The following HDAC9 variants were observed in gnomAD, a reference collection of about 807,000 sequenced individuals.
The protein encoded by HDAC9 is MEF-2 interacting transcription repressor (MITR) protein.
In HDAC9, 41 loss-of-function variants were observed where a neutral mutation model predicts 139.4. The ratio of observed to expected loss-of-function variants is 0.29; its 90% CI spans 0.23 to 0.38. The LOEUF (loss-of-function observed/expected upper bound fraction) is 0.38. Among genes scored for constraint, HDAC9 ranks in the 10% least tolerant of loss-of-function variants. HDAC9 has a pLI of 1.00. For synonymous variants in HDAC9, 517 were observed against 476.2 expected (o/e 1.09, Z -1.12); for missense variants, 1,147 against 1,297.0 (o/e 0.88, Z 1.78).
At chr7:18,629,827 G>C (rs1273674576) in intron 7 of HDAC9, among the ~76,000 whole-genome samples, 1 of 152,028 alleles carries the variant, frequency 6.6e-6, no homozygotes, top group Non-Finnish European at 1.5e-5. Flanking sequence ...AGCAGAGGGA[G>C]GTCCAAGAAG....
intron 9 of HDAC9, 109 bp from the exon 10 acceptor site, chr7:18,647,676 G>A (rs1460963296): frequency 1.2e-6 from 1 of 866,798 alleles, no homozygotes; most frequent in Non-Finnish European, 1.7e-6. Context: ...GGTAAGATGG[G>A]GCTTTTGTTT....
intron 2 of HDAC9, among the ~76,000 whole-genome samples, chr7:18,555,088 C>A (rs896335817): frequency 6.6e-6 from 1 of 152,098 alleles, no homozygotes; most frequent in Non-Finnish European, 1.5e-5. Context: ...TTTTTGACAT[C>A]AAATTAAAAT....
chr7:18,495,646 T>G, upstream of HDAC9: 1 of 708,408 alleles, frequency 1.4e-6, no homozygotes, highest in Non-Finnish European at 1.7e-6. Context: ...AGGCCGACCA[T>G]TGTTCTATTT....
intron 1 of HDAC9, among the ~76,000 whole-genome samples, chr7:18,103,259 A>T (rs1782970292): frequency 6.6e-6 from 1 of 152,192 alleles, no homozygotes; most frequent in Admixed American, 6.5e-5. Flanking sequence ...CATGGGGATT[A>T]TTACAATTCA....
At chr7:18,765,142 T>G (rs1420081959) in intron 15 of HDAC9, among the ~76,000 whole-genome samples, 1 of 152,104 alleles carries the variant, frequency 6.6e-6, no homozygotes, top group Non-Finnish European at 1.5e-5. Flanking sequence ...ATCCAGTCAG[T>G]TTGGTGAAAT....
intron 16 of HDAC9, among the ~76,000 whole-genome samples, chr7:18,786,203 G>A (rs1295019800): frequency 6.6e-6 from 1 of 151,876 alleles, no homozygotes; most frequent in African/African-American, 2.4e-5. Context: ...CCTTATTCTG[G>A]ATCACCACTA....
At chr7:18,870,299 C>G (rs528970526) in intron 21 of HDAC9, among the ~76,000 whole-genome samples, 15 of 152,176 alleles carry the variant, frequency 9.9e-5, no homozygotes, top group Non-Finnish European at 1.3e-4. Context: ...CTCCTCCAAT[C>G]TGTAGCAAGT....
chr7:18,770,582 A>G (rs1192138201), intron 16 of HDAC9, among the ~76,000 whole-genome samples: 1 of 152,162 alleles, frequency 6.6e-6, no homozygotes, highest in Non-Finnish European at 1.5e-5. Flanking sequence ...GGCTTTTATG[A>G]TAATGTCGTC....
chr7:18,271,363 C>G (rs936389671), intron 2 of HDAC9, among the ~76,000 whole-genome samples: 6 of 152,154 alleles, frequency 3.9e-5, no homozygotes, highest in Non-Finnish European at 7.4e-5. Context: ...TGCCTAAGCA[C>G]ACATTAGATA....
chr7:18,565,632 T>C (rs1225165666), intron 2 of HDAC9, among the ~76,000 whole-genome samples: 1 of 151,890 alleles, frequency 6.6e-6, no homozygotes, highest in African/African-American at 2.4e-5. Context: ...AGGGTACTTC[T>C]GTAGAAAAAA....
chr7:18,208,188 T>C (rs1443338318), intron 2 of HDAC9, among the ~76,000 whole-genome samples: 8 of 152,110 alleles, frequency 5.3e-5, no homozygotes. Flanking sequence ...GTTCTTCTGT[T>C]TGAGAGACAA....
At chr7:18,425,214 C>T (rs1489453886) in intron 1 of HDAC9, among the ~76,000 whole-genome samples, 1 of 152,052 alleles carries the variant, frequency 6.6e-6, no homozygotes, top group African/African-American at 2.4e-5. Flanking sequence ...TTTAAAATTT[C>T]AGAAAAATGC....
At chr7:18,733,271 G>T (rs1029782282) in intron 13 of HDAC9, among the ~76,000 whole-genome samples, 11 of 146,538 alleles carry the variant, frequency 7.5e-5, no homozygotes, top group South Asian at 2.1e-4. Flanking sequence ...TATATACACA[G>T]GTATATATGT....
At chr7:18,686,719 C>G (rs925517560) in intron 12 of HDAC9, among the ~76,000 whole-genome samples, 1 of 151,880 alleles carries the variant, frequency 6.6e-6, no homozygotes, top group Non-Finnish European at 1.5e-5. Flanking sequence ...GAAATTTTAA[C>G]TCTGTCAACA....
At chr7:18,773,250 G>A (rs938349204) in intron 16 of HDAC9, among the ~76,000 whole-genome samples, 3 of 151,814 alleles carry the variant, frequency 2.0e-5, no homozygotes, top group Non-Finnish European at 2.9e-5. Flanking sequence ...TCACAAAGCT[G>A]TTAAAATTCT....
At chr7:18,912,169 G>T (rs904369627) in intron 22 of HDAC9, among the ~76,000 whole-genome samples, 3 of 151,980 alleles carry the variant, frequency 2.0e-5, no homozygotes, top group African/African-American at 7.2e-5. Context: ...GGGTGCTCCA[G>T]TGTTGGGTAT....
chr7:18,531,409 T>C (rs78097667), intron 2 of HDAC9, among the ~76,000 whole-genome samples: 2,037 of 152,244 alleles, frequency 0.013, 48 homozygotes, highest in African/African-American at 0.046. Flanking sequence ...TGCAGGAAAT[T>C]GTTGAATGAT....
chr7:18,801,412 A>G (rs1265976027), intron 17 of HDAC9, among the ~76,000 whole-genome samples: 1 of 152,088 alleles, frequency 6.6e-6, no homozygotes, highest in Non-Finnish European at 1.5e-5. Context: ...ATTAAATATT[A>G]AAAATTTTTG....
At chr7:18,171,956 T>G (rs1184789889) in intron 2 of HDAC9, among the ~76,000 whole-genome samples, 1 of 152,190 alleles carries the variant, frequency 6.6e-6, no homozygotes, top group East Asian at 1.9e-4. Flanking sequence ...ATGCTGGCCT[T>G]ATAAAATGAG....
Sources: gnomAD v4.1 joint callset for allele counts (sites outside exome capture counted in the v4.1 genomes callset) on GRCh38, gnomAD v4.1.1 for gene constraint, MANE v1.5 for transcripts, NCBI Gene and HGNC (gene_info 2026-07-23, HGNC 2026-07-21) for gene names.